USO1: variants seen among roughly 807,000 people sequenced by gnomAD.
USO1 encodes the protein USO1 vesicle transport factor.
Under a neutral mutation model 124.5 loss-of-function variants are expected in USO1, and 57 were observed. The ratio of observed to expected loss-of-function variants is 0.46; its 90% CI spans 0.37 to 0.57. USO1 has a LOEUF of 0.57. USO1 is among the 20% of genes least tolerant of loss of function. The pLI is 0.00. For missense variants in USO1, 900 were observed against 1,040.6 expected (o/e 0.86, Z 1.86); for synonymous variants, 369 against 362.8 (o/e 1.02, Z -0.19).
At chr4:75,774,374 G>A (rs533044796) in intron 7 of USO1, among the ~76,000 whole-genome samples, 3 of 152,268 alleles carry the variant, frequency 2.0e-5, no homozygotes, top group African/African-American at 4.8e-5. Flanking sequence ...TAGCTGCAAC[G>A]AAAGCTATGT....
chr4:75,727,087 C>T (rs1307388559), intron 1 of USO1, among the ~76,000 whole-genome samples: 3 of 152,232 alleles, frequency 2.0e-5, no homozygotes, highest in Admixed American at 6.5e-5. Flanking sequence ...ATACCCTTTC[C>T]TGTTTTTGTT....
chr4:75,770,894 G>T lies in USO1; in HGVS notation c.469G>T (p.Val157Leu). The T allele has an allele frequency of 6.2e-7, 1 of 1,613,672 alleles. No homozygotes were observed. The highest frequency in any genetic ancestry group is 8.5e-7 in the Non-Finnish European group (1 of 1,179,792). ...TCTTTTAAAACAACTAGGGCCTCAGGTGCAACAAATTATTTTAGTCAGTCC... is the reference window on the plus strand; with the variant it reads ...TCTTTTAAAACAACTAGGGCCTCAGTTGCAACAAATTATTTTAGTCAGTCC... ...TSLLKQLGPQVQQIILVSPMG... is the reference protein window; with the variant it reads ...TSLLKQLGPQLQQIILVSPMG... The change falls in exon 6 of 24, where the codon GTG becomes TTG. Residue 157 changes from valine to leucine, a missense_variant. By Grantham distance (32) the Val-to-Leu change is conservative (BLOSUM62 1). Around this residue, in one of 2 missense-constraint regions of USO1, gnomAD observed 538 missense variants for 681.6 expected, o/e 0.79. Coordinates refer to ENST00000514213, the MANE Select transcript of USO1 (RefSeq NM_003715.4).
chr4:75,781,652 C>T (rs1722224060), intron 8 of USO1, among the ~76,000 whole-genome samples: 1 of 152,066 alleles, frequency 6.6e-6, no homozygotes, highest in Admixed American at 6.6e-5. Context: ...GTGATACTTG[C>T]TTTATTGCAG....
At chr4:75,771,163 CA>C in intron 7 of USO1, 26 bp downstream of exon 7, 1 of 1,578,048 alleles carries the variant, frequency 6.3e-7, no homozygotes, top group Non-Finnish European at 8.6e-7. Context: ...AAAAGAAATA[CA>C]AAAATATGTG....
At chr4:75,729,656 T>C (rs1045761178) in intron 1 of USO1, among the ~76,000 whole-genome samples, 1 of 152,230 alleles carries the variant, frequency 6.6e-6, no homozygotes, top group African/African-American at 2.4e-5. Flanking sequence ...CTTGTACCTT[T>C]TTTAAAGCTA....
In USO1 at chr4:75,813,647, A is replaced by G. The variant is rs888469374; in HGVS notation, c.*352A>G. On this transcript the variant is annotated 3_prime_UTR_variant, in exon 24 of 24. Coordinates refer to ENST00000514213, the MANE Select transcript of USO1 (RefSeq NM_003715.4). ...ATTTGTGACTTTTAAGTACTAACAC[A>G]TTTGATTGAATGTGTATTGAATTGG... is the stretch of plus-strand genomic sequence containing the variant. The G allele has an allele frequency of 1.9e-5, 3 of 160,618 alleles. No homozygotes were observed. Among genetic ancestry groups the G allele is most frequent in the Non-Finnish European group, 4.1e-5 (3 of 73,942 alleles). 9.9% of individuals were successfully genotyped at this position (160,618 alleles called of 1,614,324 possible).
At chr4:75,776,753 G>C (rs1209899513) in intron 8 of USO1, among the ~76,000 whole-genome samples, 3 of 152,164 alleles carry the variant, frequency 2.0e-5, no homozygotes, top group African/African-American at 7.2e-5. Context: ...GAGGCAGATA[G>C]AGTGGTTCCT....
At position 75,769,827 on chromosome 4, in the gene USO1, T is replaced by G. The variant is rs71607333; in HGVS notation, c.296-612T>G. On this transcript the variant is annotated intron_variant, in intron 4 of 23. Transcript: ENST00000514213. ...AACATTAAAGACAAATGTAAAATCC[T>G]TTAAACAATAAGTGAGAAATTAGAT... is the stretch of plus-strand genomic sequence containing the variant. Among the ~76,000 whole-genome samples, 893 of 152,036 alleles carry G rather than the reference T, an allele frequency of 5.9e-3. 8 individuals are homozygous for G. The highest frequency in any genetic ancestry group is 9.6e-3 in the Non-Finnish European group (654 of 67,930).
chr4:75,725,206 A>G (rs1192280034), intron 1 of USO1, among the ~76,000 whole-genome samples: 1 of 152,152 alleles, frequency 6.6e-6, no homozygotes, highest in Non-Finnish European at 1.5e-5. Flanking sequence ...GCTGGCCCGA[A>G]CTGCCTCCCA....
At chr4:75,811,521 A>C (rs997683484) in intron 22 of USO1, among the ~76,000 whole-genome samples, 13 of 152,204 alleles carry the variant, frequency 8.5e-5, no homozygotes, top group African/African-American at 2.9e-4. Flanking sequence ...AAATTTAGCT[A>C]ATACACAAGC....
intron 20 of USO1, among the ~76,000 whole-genome samples, chr4:75,807,103 T>C (rs928243939): frequency 4.6e-5 from 7 of 152,146 alleles, no homozygotes. Context: ...TTCTACTTGC[T>C]TATAGTATTT....
chr4:75,806,099 C>T (rs1722989506), intron 19 of USO1, among the ~76,000 whole-genome samples: 1 of 152,126 alleles, frequency 6.6e-6, no homozygotes, highest in Non-Finnish European at 1.5e-5. Flanking sequence ...TCTAGCAGTT[C>T]TCCTGCCTCA....
At chr4:75,732,876 T>TAAAAAAAAAAA (rs3059597) in intron 1 of USO1, among the ~76,000 whole-genome samples, 3 of 48,182 alleles carry the variant, frequency 6.2e-5, no homozygotes, top group African/African-American at 2.9e-4. Flanking sequence ...AGATTCCATC[T>TAAAAAAAAAAA]AAAAAAAAAA....
At chr4:75,758,337 A>T (rs1721501636) in intron 4 of USO1, among the ~76,000 whole-genome samples, 1 of 152,242 alleles carries the variant, frequency 6.6e-6, no homozygotes, top group Admixed American at 6.5e-5. Flanking sequence ...CTGTAAAGTC[A>T]GAACAGTGGA....
chr4:75,735,436 A>C (rs1240045190), intron 1 of USO1, among the ~76,000 whole-genome samples: 3 of 152,074 alleles, frequency 2.0e-5, no homozygotes, highest in Non-Finnish European at 4.4e-5. Context: ...CTCTTGCCTG[A>C]TTGCTCTGAT....
chr4:75,724,680 G>A lies in USO1; in HGVS notation c.-140G>A, dbSNP rs184136459. The A allele has an allele frequency of 5.2e-4, 417 of 799,370 alleles. 1 individual carries two copies. In the African/African-American group the frequency reaches 6.8e-3, roughly 13 times the overall value. The allele number at this position is 799,370 out of a possible 1,614,324, so 49.5% of individuals were successfully genotyped here. Reference sequence around the variant, plus strand: ...GTTTCCGGGCTTAGAGGGCTGGAGTGGCCGCCGAGTTGGAGGCGGTGGTGG... The same window carrying A: ...GTTTCCGGGCTTAGAGGGCTGGAGTAGCCGCCGAGTTGGAGGCGGTGGTGG... On this transcript the variant is annotated 5_prime_UTR_variant, in exon 1 of 24. An upstream open reading frame in the 5' UTR gains an earlier in-frame stop. Transcript: ENST00000514213.
chr4:75,731,584 T>C (rs892050204), intron 1 of USO1, among the ~76,000 whole-genome samples: 4 of 152,108 alleles, frequency 2.6e-5, no homozygotes, highest in African/African-American at 7.2e-5. Context: ...AAATGACTTT[T>C]GTAATCTAAA....
chr4:75,813,148 A>G, intron 23 of USO1, 58 bp from the exon 24 acceptor site: 1 of 1,551,574 alleles, frequency 6.4e-7, no homozygotes, highest in South Asian at 1.2e-5. Context: ...TATATTGTTA[A>G]ATGTTGAATG....
At chr4:75,777,705 A>G (rs1247169192) in intron 8 of USO1, among the ~76,000 whole-genome samples, 2 of 152,202 alleles carry the variant, frequency 1.3e-5, no homozygotes, top group East Asian at 3.8e-4. Flanking sequence ...ATGATGGCGA[A>G]GATGTGGAAC....
Sources: gnomAD v4.1 joint callset for allele counts (sites outside exome capture counted in the v4.1 genomes callset) on GRCh38, gnomAD v4.1.1 for gene constraint, gnomAD v4.1.1 regional missense constraint, MANE v1.5 for transcripts, NCBI Gene and HGNC (gene_info 2026-07-23, HGNC 2026-07-21) for gene names.